CADPS2: variants seen among roughly 807,000 people sequenced by gnomAD.
CADPS2 encodes calcium dependent secretion activator 2, also known as calcium-dependent secretion activator 2.
Under a neutral mutation model 172.5 loss-of-function variants are expected in CADPS2, and 93 were observed. That is an observed-to-expected ratio of 0.54 (90% CI 0.46 to 0.64). The LOEUF is 0.64. Ranked by LOEUF, CADPS2 falls within the 30% of genes least tolerant of loss-of-function variation. The probability of loss-of-function intolerance (pLI) is 0.00; values close to 1 mark genes in which losing one functional copy is unlikely to be tolerated. For synonymous variants in CADPS2, 546 were observed against 555.2 expected, an observed-to-expected ratio of 0.98 and a Z score of 0.23; for missense variants, 1,420 against 1,565.9, an observed-to-expected ratio of 0.91 and a Z score of 1.57.
chr7:122,351,647 G>A (rs997869866), intron 27 of CADPS2, among the ~76,000 whole-genome samples: 1 of 152,008 alleles, frequency 6.6e-6, no homozygotes, highest in Non-Finnish European at 1.5e-5. Context: ...CTAAGGGGCT[G>A]TTCCATTACT....
In CADPS2 at chr7:122,360,786, A is replaced by C; in HGVS notation, c.3504+2T>G. On this transcript the variant is annotated splice_donor_variant, in intron 27 of 29. Transcript: ENST00000449022. LOFTEE classifies it high-confidence loss of function. The stretch of plus-strand genomic sequence containing the variant: ...TTTAAAAAGCAGATAAAAAATACTT[A>C]CTGGAACATCAACATATTTTGCAGC... 1 of 1,553,250 alleles carries C rather than the reference A, an allele frequency of 6.4e-7. No individual in the cohort carries two copies. Among genetic ancestry groups the C allele is most frequent in the East Asian group, 2.4e-5 (1 of 42,254 alleles).
chr7:122,496,902 G>A (rs1267354414), intron 9 of CADPS2, among the ~76,000 whole-genome samples: 1 of 152,024 alleles, frequency 6.6e-6, no homozygotes, highest in African/African-American at 2.4e-5. Flanking sequence ...AAAGTATTGA[G>A]AAATGTTAAA....
At chr7:122,543,300 G>A (rs759163664) in intron 8 of CADPS2, among the ~76,000 whole-genome samples, 1 of 151,982 alleles carries the variant, frequency 6.6e-6, no homozygotes, top group Non-Finnish European at 1.5e-5. Flanking sequence ...AAATTTTCTA[G>A]TCTATGCTAT....
intron 3 of CADPS2, among the ~76,000 whole-genome samples, chr7:122,642,279 C>CA (rs11370822): frequency 0.31 from 38,525 of 124,566 alleles, 5,834 homozygotes; most frequent in African/African-American, 0.42. Context: ...GACTCCATCT[C>CA]AAAAAAAAAA....
chr7:122,395,960 C>A (rs938320610), intron 20 of CADPS2, among the ~76,000 whole-genome samples: 13 of 152,118 alleles, frequency 8.5e-5, no homozygotes, highest in Non-Finnish European at 1.8e-4. Flanking sequence ...TAGGCGCATG[C>A]CACCATGCCC....
rs183274861 is a variant in CADPS2 at position 122,633,525 on chromosome 7, T to C, written c.787-4197A>G. 5.9e-3 allele frequency among the ~76,000 whole-genome samples: 898 copies of C among 152,228 alleles called. 6 individuals are homozygous for C. Among genetic ancestry groups the C allele is most frequent in the Admixed American group, 9.4e-3 (144 of 15,282 alleles). ...ATTTTACTGATGTATAGAAGTTCTATTGATTTTTGTACTTTGATTTTGTGC... is the reference window on the plus strand; with the variant it reads ...ATTTTACTGATGTATAGAAGTTCTACTGATTTTTGTACTTTGATTTTGTGC... On this transcript the variant is annotated intron_variant, in intron 3 of 29. Coordinates refer to ENST00000449022, the MANE Select transcript of CADPS2 (RefSeq NM_017954.11).
At chr7:122,366,214 A>G (rs2040819975) in intron 25 of CADPS2, among the ~76,000 whole-genome samples, 1 of 151,914 alleles carries the variant, frequency 6.6e-6, no homozygotes, top group Non-Finnish European at 1.5e-5. Flanking sequence ...TTTTAGTAAC[A>G]TATTCTTAAA....
At chr7:122,396,569 A>G (rs755778581) in intron 20 of CADPS2, among the ~76,000 whole-genome samples, 1 of 152,170 alleles carries the variant, frequency 6.6e-6, no homozygotes, top group Non-Finnish European at 1.5e-5. Flanking sequence ...GCTTTCCAAG[A>G]CCTGTCTACA....
intron 2 of CADPS2, among the ~76,000 whole-genome samples, chr7:122,682,536 G>A (rs2083164847): frequency 1.3e-5 from 2 of 151,960 alleles, no homozygotes; most frequent in Admixed American, 1.3e-4. Context: ...TATTACTTTT[G>A]AAGCCTCATA....
intron 2 of CADPS2, among the ~76,000 whole-genome samples, chr7:122,707,119 C>G (rs775710223): frequency 1.7e-4 from 26 of 151,676 alleles, no homozygotes; most frequent in Non-Finnish European, 3.4e-4. Flanking sequence ...GCTCTAAATT[C>G]CTGAAGTATC....
chr7:122,692,331 T>C (rs1191629562), intron 2 of CADPS2, among the ~76,000 whole-genome samples: 1 of 152,188 alleles, frequency 6.6e-6, no homozygotes, highest in African/African-American at 2.4e-5. Flanking sequence ...CTATATTTTC[T>C]GGTGGATCAC....
chr7:122,349,888 G>A (rs1431933376), intron 27 of CADPS2, among the ~76,000 whole-genome samples: 3 of 152,046 alleles, frequency 2.0e-5, no homozygotes, highest in Non-Finnish European at 4.4e-5. Context: ...CATTTTTCAC[G>A]GCAACAGATT....
At chr7:122,783,660 G>A (rs1793341798) in intron 1 of CADPS2, among the ~76,000 whole-genome samples, 1 of 152,204 alleles carries the variant, frequency 6.6e-6, no homozygotes, top group South Asian at 2.1e-4. Context: ...CAGCTAGTGA[G>A]ACCCACATTT....
At chr7:122,636,462 G>GTTTTTTTTT in intron 3 of CADPS2, among the ~76,000 whole-genome samples, 1 of 100,188 alleles carries the variant, frequency 1.0e-5, no homozygotes, top group Non-Finnish European at 1.9e-5. Flanking sequence ...CACAAGAGAT[G>GTTTTTTTTT]TTTTTTTTTT....
chr7:122,691,113 G>C (rs1345613740), intron 2 of CADPS2, among the ~76,000 whole-genome samples: 1 of 152,196 alleles, frequency 6.6e-6, no homozygotes, highest in Non-Finnish European at 1.5e-5. Flanking sequence ...CACTAAAGTG[G>C]ATGTCTGCAC....
intron 1 of CADPS2, among the ~76,000 whole-genome samples, chr7:122,875,948 G>A (rs955443342): frequency 2.6e-5 from 4 of 151,920 alleles, no homozygotes; most frequent in African/African-American, 9.7e-5. Context: ...CAACCCTAAG[G>A]GAAACACAAA....
At chr7:122,484,115 TTG>T (rs2057566537) in intron 11 of CADPS2, among the ~76,000 whole-genome samples, 1 of 152,174 alleles carries the variant, frequency 6.6e-6, no homozygotes, top group Non-Finnish European at 1.5e-5. Flanking sequence ...AAAATTTACA[TTG>T]TACCCCATAT....
chr7:122,437,329 T>C lies in CADPS2; in HGVS notation c.2476+1012A>G, dbSNP rs1444616747. On this transcript the variant is annotated intron_variant, in intron 17 of 29. Coordinates refer to ENST00000449022, the MANE Select transcript of CADPS2 (RefSeq NM_017954.11). ...GCTTTTTTGTTAATCACTCAGGAGGTTGGTTATCGTATGCTTGTTAGAAAG... is the reference window on the plus strand; with the variant it reads ...GCTTTTTTGTTAATCACTCAGGAGGCTGGTTATCGTATGCTTGTTAGAAAG... 4.6e-5 allele frequency among the ~76,000 whole-genome samples: 7 copies of C among 152,096 alleles called. No homozygotes were observed. The East Asian group carries it at 5.8e-4, about 13-fold the overall frequency.
At chr7:122,567,592 T>C (rs2066632750) in intron 7 of CADPS2, among the ~76,000 whole-genome samples, 1 of 152,168 alleles carries the variant, frequency 6.6e-6, no homozygotes, top group African/African-American at 2.4e-5. Context: ...GTTTAAAAGA[T>C]AACTAACCAT....
Sources: allele counts gnomAD v4.1 joint callset (sites outside exome capture counted in the v4.1 genomes callset), GRCh38; gene constraint gnomAD v4.1.1; transcripts MANE v1.5; gene names NCBI Gene and HGNC (gene_info 2026-07-23, HGNC 2026-07-21).